AVEN: variants seen among roughly 807,000 people sequenced by gnomAD.
The protein encoded by AVEN is cell death regulator Aven.
In AVEN, 41 loss-of-function variants were observed where a neutral mutation model predicts 38.1. The ratio of observed to expected loss-of-function variants is 1.08; its 90% CI spans 0.84 to 1.40. The LOEUF is 1.40. Among genes scored for constraint, AVEN ranks in the 40% most tolerant of loss-of-function variants. The pLI is 0.00. For synonymous variants in AVEN, 206 were observed against 171.8 expected, an observed-to-expected ratio of 1.20 and a Z score of -1.56; for missense variants, 605 against 438.8, an observed-to-expected ratio of 1.38 and a Z score of -3.38.
chr15:33,941,042 C>T (rs1211410287), intron 2 of AVEN, among the ~76,000 whole-genome samples: 1 of 152,174 alleles, frequency 6.6e-6, no homozygotes, highest in Non-Finnish European at 1.5e-5. Flanking sequence ...TACAGGTTAT[C>T]CCTCATTCCT....
At chr15:33,961,673 C>CGTG in intron 2 of AVEN, among the ~76,000 whole-genome samples, 1 of 151,468 alleles carries the variant, frequency 6.6e-6, no homozygotes, top group South Asian at 2.1e-4. Context: ...ATTAGCCGGG[C>CGTG]GTGGTGGCGG....
chr15:34,067,229 A>G (rs1393161912), intron 2 of AVEN: 1 of 152,250 alleles, frequency 6.6e-6, no homozygotes, highest in African/African-American at 2.4e-5. Context: ...TTGGTTGAAC[A>G]AAGCATTTTG....
At chr15:33,964,921 G>A (rs979959903) in intron 2 of AVEN, among the ~76,000 whole-genome samples, 1 of 152,166 alleles carries the variant, frequency 6.6e-6, no homozygotes, top group African/African-American at 2.4e-5. Context: ...TTGAATGATG[G>A]TTATTCTCAG....
upstream of AVEN, among the ~76,000 whole-genome samples, chr15:34,041,647 T>C (rs967049715): frequency 6.6e-6 from 1 of 152,190 alleles, no homozygotes; most frequent in African/African-American, 2.4e-5. Flanking sequence ...AGAGAGAGAT[T>C]GGTTTGTGGA....
chr15:33,972,319 AAAAT>A (rs1235877995), intron 2 of AVEN: 4 of 152,106 alleles, frequency 2.6e-5, no homozygotes, highest in Non-Finnish European at 5.9e-5. Context: ...TGCTACTCAG[AAAAT>A]TGAAAAATTA....
At chr15:33,855,507 G>A (rs752483074), downstream of AVEN, among the ~76,000 whole-genome samples, 21 of 152,090 alleles carry the variant, frequency 1.4e-4, no homozygotes, top group Non-Finnish European at 2.6e-4. Context: ...CCCGGCCGGA[G>A]ATCTTTTTAA....
downstream of AVEN, chr15:33,857,845 C>T: frequency 1.2e-6 from 2 of 1,614,192 alleles, no homozygotes; most frequent in Non-Finnish European, 1.7e-6. Flanking sequence ...CTTTCAACTT[C>T]TTCCGCAAGT....
intron 5 of AVEN, among the ~76,000 whole-genome samples, chr15:34,053,320 AT>A (rs1258725623): frequency 0.12 from 3,750 of 30,570 alleles, 68 homozygotes; most frequent in Non-Finnish European, 0.17. Flanking sequence ...AAAAAAAAAA[AT>A]ATATATATAT....
rs1567401302 is a variant in AVEN at position 33,894,822 on chromosome 15, ATAAT to A, written c.446-18831_446-18828del. ...GAGACACCATCTCAAAAAAAAAAAA[ATAAT>A]AACAATAATAATAATAATAATAATA... On this transcript the variant is annotated intron_variant, in intron 2 of 5. Transcript: ENST00000306730. 1.4e-4 allele frequency among the ~76,000 whole-genome samples: 13 copies of A among 91,228 alleles called. No individual in the cohort carries two copies. The East Asian group carries it at 3.9e-3, about 27-fold the overall frequency. The allele number at this position is 91,228 out of a possible 152,430, so 59.8% of individuals were successfully genotyped here.
chr15:33,935,160 A>G (rs1161069917), intron 2 of AVEN, among the ~76,000 whole-genome samples: 2 of 152,184 alleles, frequency 1.3e-5, no homozygotes, highest in Non-Finnish European at 2.9e-5. Context: ...TTGAACCACA[A>G]TATACAAACT....
intron 1 of AVEN, among the ~76,000 whole-genome samples, chr15:34,027,501 C>A (rs138700903): frequency 1.4e-5 from 2 of 147,382 alleles, no homozygotes; most frequent in African/African-American, 4.9e-5. Flanking sequence ...TGCACTCCAG[C>A]CTGGATGACA....
chr15:33,984,274 A>G (rs997198233), intron 2 of AVEN, among the ~76,000 whole-genome samples: 1 of 152,194 alleles, frequency 6.6e-6, no homozygotes, highest in African/African-American at 2.4e-5. Context: ...AAAAATCTAA[A>G]AAGTATTAGA....
At chr15:33,911,983 C>A (rs1202175829) in intron 2 of AVEN, among the ~76,000 whole-genome samples, 1 of 152,174 alleles carries the variant, frequency 6.6e-6, no homozygotes, top group African/African-American at 2.4e-5. Context: ...AGAGAGGGAA[C>A]CCCAGGCTTC....
intron 2 of AVEN, among the ~76,000 whole-genome samples, chr15:33,899,470 T>C (rs1269319469): frequency 9.1e-6 from 1 of 109,676 alleles, no homozygotes; most frequent in African/African-American, 3.7e-5. Context: ...CTTTTTTTTT[T>C]TTTTTTTTTT....
downstream of AVEN, chr15:33,858,205 C>T (rs538913626): frequency 3.0e-6 from 1 of 328,486 alleles, no homozygotes. Flanking sequence ...AAAGATGAGA[C>T]ATTATTTTAT....
downstream of AVEN, chr15:33,856,885 C>G (rs2079729396): frequency 6.6e-6 from 1 of 152,274 alleles, no homozygotes; most frequent in African/African-American, 2.4e-5. Flanking sequence ...TCTCGACCTC[C>G]TGACCTCGTG....
At chr15:34,010,881 A>G (rs369954493) in intron 1 of AVEN, among the ~76,000 whole-genome samples, 131 of 152,334 alleles carry the variant, frequency 8.6e-4, no homozygotes, top group African/African-American at 3.0e-3. Flanking sequence ...TTGTAAACCT[A>G]TTAAGGTCAT....
At chr15:33,952,132 A>G (rs1407168018) in intron 2 of AVEN, among the ~76,000 whole-genome samples, 1 of 152,226 alleles carries the variant, frequency 6.6e-6, no homozygotes, top group East Asian at 1.9e-4. Flanking sequence ...AGCTTTAGAA[A>G]TAAATCTGCG....
chr15:34,055,218 G>C (rs932747353), intron 5 of AVEN, among the ~76,000 whole-genome samples: 1 of 151,470 alleles, frequency 6.6e-6, no homozygotes, highest in Non-Finnish European at 1.5e-5. Context: ...AATAAACAAG[G>C]CCAGGCCCGG....
Sources: allele counts gnomAD v4.1 joint callset (sites outside exome capture counted in the v4.1 genomes callset), GRCh38; gene constraint gnomAD v4.1.1; transcripts MANE v1.5; gene names NCBI Gene and HGNC (gene_info 2026-07-23, HGNC 2026-07-21).